Variants in SCAPER observed in about 807,000 individuals in gnomAD.
SCAPER encodes the protein S-phase cyclin A associated protein in the ER, also known as S phase cyclin A-associated protein in the endoplasmic reticulum.
In SCAPER, 98 loss-of-function variants were observed where a neutral mutation model predicts 182.2. The ratio of observed to expected loss-of-function variants is 0.54; its 90% CI spans 0.46 to 0.64. The LOEUF (loss-of-function observed/expected upper bound fraction) is 0.64. SCAPER is among the 30% of genes least tolerant of loss of function. SCAPER has a pLI of 0.00. For missense variants in SCAPER, 1,432 were observed against 1,690.0 expected, an observed-to-expected ratio of 0.85 and a Z score of 2.68; for synonymous variants, 605 against 564.6, an observed-to-expected ratio of 1.07 and a Z score of -1.01.
At chr15:76,776,965 A>G (rs2063781279) in intron 8 of SCAPER, among the ~76,000 whole-genome samples, 1 of 152,198 alleles carries the variant, frequency 6.6e-6, no homozygotes, top group African/African-American at 2.4e-5. Flanking sequence ...TGAAACAGAG[A>G]AAACTATGAA....
chr15:76,742,466 T>TAAAAA (rs55751202), intron 15 of SCAPER, among the ~76,000 whole-genome samples: 2 of 37,026 alleles, frequency 5.4e-5, no homozygotes, highest in African/African-American at 2.0e-4. Context: ...TGTCTTTTCC[T>TAAAAA]AAAAAAAAAA....
At chr15:76,848,630 G>A (rs954356003) in intron 4 of SCAPER, among the ~76,000 whole-genome samples, 13 of 152,142 alleles carry the variant, frequency 8.5e-5, no homozygotes, top group South Asian at 8.3e-4. Context: ...CACCATGCCC[G>A]GGCAAAGATT....
chr15:76,432,998 T>C (rs976123363), intron 26 of SCAPER, among the ~76,000 whole-genome samples: 1 of 152,254 alleles, frequency 6.6e-6, no homozygotes, highest in African/African-American at 2.4e-5. Context: ...ACTATAGGTA[T>C]AACCCTATAA....
rs1211838737 is a variant in SCAPER, at chr15:76,785,029, TG to T, written c.773-9913del. Among the ~76,000 whole-genome samples, 14 of 152,056 alleles carry T rather than the reference TG, an allele frequency of 9.2e-5. No individual in the cohort carries two copies. In the South Asian group the frequency reaches 2.5e-3, roughly 27 times the overall value. ...GGTAACAAAAGCCAAAATTGACAAATGGGATCTACTTAAACTAAAGAGCTTC... is the reference window on the plus strand; with the variant it reads ...GGTAACAAAAGCCAAAATTGACAAATGGATCTACTTAAACTAAAGAGCTTC... On this transcript the variant is annotated intron_variant, in intron 8 of 31. Coordinates refer to ENST00000563290, the MANE Select transcript of SCAPER (RefSeq NM_020843.4).
chr15:76,670,649 T>A lies in SCAPER; in HGVS notation c.2509-4860A>T, dbSNP rs182978502. On this transcript the variant is annotated intron_variant, in intron 20 of 31. Transcript: ENST00000563290. ...ATTAATTTATGTCCCCGCAAGTGGT[T>A]TGCCAGTATGTGGTGTTCCTGTTTT... Among the ~76,000 whole-genome samples, 497 of 152,328 alleles carry A rather than the reference T, an allele frequency of 3.3e-3. 2 individuals are homozygous for A. Among genetic ancestry groups the A allele is most frequent in the Non-Finnish European group, 5.9e-3 (401 of 68,012 alleles).
At chr15:76,854,130 A>G (rs35561811) in intron 4 of SCAPER, among the ~76,000 whole-genome samples, 57,803 of 151,842 alleles carry the variant, frequency 0.38, 12,992 homozygotes, top group Middle Eastern at 0.51. Flanking sequence ...TTAGCTGGGC[A>G]TGGTGACGTG....
In SCAPER at chr15:76,437,590, AG is replaced by A. The variant is rs1211554052; in HGVS notation, c.3079-3281del. Among the ~76,000 whole-genome samples the A allele has an allele frequency of 2.0e-5, 3 of 152,342 alleles. No homozygotes were observed. The East Asian group carries it at 5.8e-4, about 29-fold the overall frequency. Reference sequence around the variant, plus strand: ...GAGTAATACACTTCTAGGTAATGTCAGGGTTCTTCATTCATCACAAATTTTC... The same window carrying A: ...GAGTAATACACTTCTAGGTAATGTCAGGTTCTTCATTCATCACAAATTTTC... On this transcript the variant is annotated intron_variant, in intron 25 of 31. Coordinates refer to ENST00000563290, the MANE Select transcript of SCAPER (RefSeq NM_020843.4).
chr15:76,897,236 T>C (rs1385852996), intron 1 of SCAPER, among the ~76,000 whole-genome samples: 1 of 152,194 alleles, frequency 6.6e-6, no homozygotes, highest in Non-Finnish European at 1.5e-5. Context: ...TATTTTCAGA[T>C]TTTCTGATAC....
At chr15:76,714,697 TTTTG>T (rs1422616837) in intron 17 of SCAPER, among the ~76,000 whole-genome samples, 2 of 152,154 alleles carry the variant, frequency 1.3e-5, no homozygotes, top group East Asian at 1.9e-4. Flanking sequence ...ATTTGTGTAT[TTTTG>T]TTTGTTATAA....
intron 20 of SCAPER, among the ~76,000 whole-genome samples, chr15:76,667,644 A>C (rs1441416964): frequency 3.6e-4 from 39 of 109,454 alleles, no homozygotes; most frequent in African/African-American, 1.5e-3. Context: ...AAAAAAAAAA[A>C]AAAAAAAAAA....
chr15:76,732,665 A>G (rs1288509397), intron 16 of SCAPER, among the ~76,000 whole-genome samples: 1 of 152,110 alleles, frequency 6.6e-6, no homozygotes, highest in Non-Finnish European at 1.5e-5. Context: ...GAGTTTAGAG[A>G]AGACTCTACT....
intron 1 of SCAPER, among the ~76,000 whole-genome samples, chr15:76,899,228 G>A (rs1025726842): frequency 6.6e-6 from 1 of 152,164 alleles, no homozygotes; most frequent in Non-Finnish European, 1.5e-5. Context: ...GTACTGCCAT[G>A]ATCTCAGCTA....
chr15:76,466,975 A>G (rs1237476397), intron 25 of SCAPER, among the ~76,000 whole-genome samples: 3 of 152,022 alleles, frequency 2.0e-5, no homozygotes, highest in Admixed American at 1.3e-4. Context: ...AGGTGACTGG[A>G]TCATGGAGGC....
chr15:76,401,911 G>A (rs1405502715), intron 27 of SCAPER, among the ~76,000 whole-genome samples: 1 of 152,180 alleles, frequency 6.6e-6, no homozygotes, highest in Non-Finnish European at 1.5e-5. Flanking sequence ...TGGAGCACTT[G>A]AGGTCAGGAG....
chr15:76,894,610 G>A (rs1330535070), intron 1 of SCAPER, among the ~76,000 whole-genome samples: 1 of 152,042 alleles, frequency 6.6e-6, no homozygotes, highest in Non-Finnish European at 1.5e-5. Flanking sequence ...ATGAAACTAA[G>A]AGTTGGTTTT....
chr15:76,618,217 G>A (rs759358559), intron 22 of SCAPER, among the ~76,000 whole-genome samples: 17 of 152,130 alleles, frequency 1.1e-4, no homozygotes, highest in Non-Finnish European at 2.4e-4. Flanking sequence ...TCGAGATCAC[G>A]CCACTACATT....
chr15:76,499,043 T>C (rs1284740666), intron 24 of SCAPER, among the ~76,000 whole-genome samples: 1 of 152,146 alleles, frequency 6.6e-6, no homozygotes, highest in African/African-American at 2.4e-5. Flanking sequence ...GGCAATCTTA[T>C]ACCTACTGAT....
At chr15:76,550,109 AAAAACAAAAC>A (rs913710028) in intron 23 of SCAPER, among the ~76,000 whole-genome samples, 1 of 152,196 alleles carries the variant, frequency 6.6e-6, no homozygotes, top group African/African-American at 2.4e-5. Flanking sequence ...CCCAACAGTA[AAAAACAAAAC>A]AAAACAAAAC....
Position 76,592,572 on chromosome 15 carries a change from G to A in SCAPER, c.2712-18288C>T, listed in dbSNP as rs560746867. 1.3e-3 allele frequency among the ~76,000 whole-genome samples: 165 copies of A among 123,116 alleles called. 51 individuals are homozygous for A. The highest frequency in any genetic ancestry group is 4.2e-4 in the Non-Finnish European group (21 of 50,562). 80.8% of individuals were successfully genotyped at this position (123,116 alleles called of 152,430 possible). On this transcript the variant is annotated intron_variant, in intron 22 of 31. Coordinates refer to ENST00000563290, the MANE Select transcript of SCAPER (RefSeq NM_020843.4). ...ACAGCTCCATTCTGCAGCTCCCAGC[G>A]AGATCAACGCAGAAGGCAGGTGATT...
Sources: gnomAD v4.1 joint callset for allele counts (sites outside exome capture counted in the v4.1 genomes callset) on GRCh38, gnomAD v4.1.1 for gene constraint, MANE v1.5 for transcripts, NCBI Gene and HGNC (gene_info 2026-07-23, HGNC 2026-07-21) for gene names.